The following MCM3 variants were observed in gnomAD, a reference collection of about 807,000 sequenced individuals.
The protein encoded by MCM3 is minichromosome maintenance complex component 3.
A neutral mutation model predicts 91.3 loss-of-function variants in MCM3; 59 were observed. That is an observed-to-expected ratio of 0.65 (90% CI 0.52 to 0.80). The LOEUF is 0.80. MCM3 is among the 30% of genes least tolerant of loss of function. The pLI is 0.00. For missense variants in MCM3, 919 were observed against 1,035.4 expected (o/e 0.89, Z 1.54); for synonymous variants, 383 against 379.6 (o/e 1.01, Z -0.10).
chr6:52,270,876 A>T (rs1345788530), intron 12 of MCM3, among the ~76,000 whole-genome samples: 1 of 152,228 alleles, frequency 6.6e-6, no homozygotes, highest in Non-Finnish European at 1.5e-5. Flanking sequence ...CTTAATAAAT[A>T]TTCTAAAATT....
chr6:52,277,972 G>C (rs553857130), intron 6 of MCM3, among the ~76,000 whole-genome samples: 20 of 149,370 alleles, frequency 1.3e-4, no homozygotes, highest in African/African-American at 5.0e-4. Flanking sequence ...GGAGGCTGAG[G>C]CAGGAGAATC....
At chr6:52,265,073 A>T (rs1181038287) in intron 16 of MCM3, among the ~76,000 whole-genome samples, 1 of 152,182 alleles carries the variant, frequency 6.6e-6, no homozygotes, top group East Asian at 1.9e-4. Flanking sequence ...AACCCTTAAA[A>T]GCGTATATCC....
chr6:52,268,111 T>C, intron 13 of MCM3, 143 bp from the exon 14 acceptor site: 1 of 1,110,868 alleles, frequency 9.0e-7, no homozygotes. Flanking sequence ...TGTCCCTAAG[T>C]CCCAGGACCA....
At chr6:52,269,260 G>A (rs1272219510) in intron 12 of MCM3, 34 bp from the exon 13 acceptor site, 3 of 1,587,824 alleles carry the variant, frequency 1.9e-6, no homozygotes, top group Admixed American at 1.7e-5. Flanking sequence ...CTTATCCCAA[G>A]TCTTTTAGGC....
At chr6:52,267,437 A>G (rs1764732124) in intron 14 of MCM3, among the ~76,000 whole-genome samples, 1 of 151,522 alleles carries the variant, frequency 6.6e-6, no homozygotes, top group South Asian at 2.1e-4. Context: ...AGGTCTAGGA[A>G]CACTCTCCAT....
intron 1 of MCM3, among the ~76,000 whole-genome samples, chr6:52,283,897 T>G (rs1365154580): frequency 6.6e-6 from 1 of 152,180 alleles, no homozygotes; most frequent in East Asian, 1.9e-4. Context: ...AAACAGACTC[T>G]TAATAGTCAC....
At chr6:52,273,133 C>T in intron 11 of MCM3, 97 bp downstream of exon 11, 1 of 1,446,902 alleles carries the variant, frequency 6.9e-7, no homozygotes, top group Non-Finnish European at 9.6e-7. Flanking sequence ...TGGCTTTGAC[C>T]TGGGCATATA....
At chr6:52,268,418 A>G (rs1764816533) in intron 13 of MCM3, among the ~76,000 whole-genome samples, 1 of 151,262 alleles carries the variant, frequency 6.6e-6, no homozygotes, top group Admixed American at 6.6e-5. Context: ...TTAACCTAGC[A>G]AAAAGTGAGG....
In MCM3 at chr6:52,273,308, T is replaced by A. The variant is rs1160808305; in HGVS notation, c.1598A>T (p.Asn533Ile). 3.7e-6 allele frequency: 6 copies of A among 1,614,192 alleles called. No homozygotes were observed. The highest frequency in any genetic ancestry group is 5.1e-6 in the Non-Finnish European group (6 of 1,180,038). Residue 533 changes from asparagine to isoleucine, a missense_variant, in exon 11 of 17, where the codon AAC becomes ATC. Asn to Ile is a moderately radical substitution (Grantham distance 149, BLOSUM62 -3). Coordinates refer to ENST00000596288, the MANE Select transcript of MCM3 (RefSeq NM_002388.6). ...GTCCTGCTGATCTTCCTGGCTAAAG[T>A]TGGGATCATCTGTGGCCAGGATATC... ...AVDILATDDP[N>I]FSQEDQQDTQ... is the part of the protein sequence containing the mutation.
intron 12 of MCM3, among the ~76,000 whole-genome samples, 194 bp downstream of exon 12, chr6:52,272,107 A>G (rs925776336): frequency 6.6e-6 from 1 of 152,202 alleles, no homozygotes; most frequent in Non-Finnish European, 1.5e-5. Context: ...AACTAATAAG[A>G]GACATGTTAT....
Position 52,279,598 on chromosome 6 carries a change from T to A in MCM3, c.533A>T (p.Asp178Val). ...FPSSSVYPTK[D>V]EENNPLETEY... ...TGTCTCAAGGGGATTGTTCTCCTCATCCTAGAAAAAGGCACACAGAGGGAC... is the reference window on the plus strand; with the variant it reads ...TGTCTCAAGGGGATTGTTCTCCTCAACCTAGAAAAAGGCACACAGAGGGAC... The change falls in exon 5 of 17, where the codon GAT becomes GTT. Residue 178 changes from aspartate to valine, a missense_variant and splice_region_variant. Transcript: ENST00000596288. The A allele has an allele frequency of 6.2e-7, 1 of 1,609,164 alleles. No homozygotes were observed.
At chr6:52,283,523 CAGTA>C (rs1766345362) in intron 1 of MCM3, 117 bp from the exon 2 acceptor site, 5 of 737,208 alleles carry the variant, frequency 6.8e-6, no homozygotes, top group East Asian at 5.1e-5. Context: ...GCTGAATCCC[CAGTA>C]AGTATGTGCT....
At chr6:52,283,778 T>C (rs1177560282) in intron 1 of MCM3, among the ~76,000 whole-genome samples, 1 of 152,242 alleles carries the variant, frequency 6.6e-6, no homozygotes, top group Non-Finnish European at 1.5e-5. Flanking sequence ...AATGTGAATG[T>C]TAAAGGTAAC....
Position 52,272,467 on chromosome 6 carries a change from G to C in MCM3, c.1677-16C>G, listed in dbSNP as rs1293086677. 6.2e-7 allele frequency: 1 copy of C among 1,613,750 alleles called. No homozygotes were observed. On this transcript the variant is annotated splice_polypyrimidine_tract_variant and intron_variant, in intron 11 of 16. Coordinates refer to ENST00000596288, the MANE Select transcript of MCM3 (RefSeq NM_002388.6). ...CATCTTCTCCCTGGAGCCACACACA[G>C]TGAATTCCATCTCCCTGCCACACCT...
In MCM3 at chr6:52,278,860, A is replaced by T; in HGVS notation, c.771-10T>A. ...GGCAATCAGGACAGTCCTGGGACAA[A>T]CAGAATAAAGAGGAAACCCGTTATA... On this transcript the variant is annotated splice_polypyrimidine_tract_variant and intron_variant, in intron 5 of 16. Coordinates refer to ENST00000596288, the MANE Select transcript of MCM3 (RefSeq NM_002388.6). The T allele has an allele frequency of 6.3e-7, 1 of 1,588,560 alleles. No individual in the cohort carries two copies. The highest frequency in any genetic ancestry group is 1.1e-5 in the South Asian group (1 of 89,252).
intron 9 of MCM3, chr6:52,276,012 G>A (rs1765523832): frequency 6.8e-6 from 3 of 441,618 alleles, no homozygotes; most frequent in Non-Finnish European, 8.1e-6. Context: ...TTAATGGACG[G>A]TTAAATATGT....
Position 52,270,596 on chromosome 6 carries a change from G to C in MCM3, c.1828-1370C>G, listed in dbSNP as rs571495149. On this transcript the variant is annotated intron_variant, in intron 12 of 16. Transcript: ENST00000596288. The stretch of plus-strand genomic sequence containing the variant: ...TTCTAATTCTTAAACCACCTAAAAA[G>C]CTGGTGAAATCCTGGCCTGCACTAG... Among the ~76,000 whole-genome samples, 6 of 152,232 alleles carry C rather than the reference G, an allele frequency of 3.9e-5. No homozygotes were observed. In the East Asian group the frequency reaches 1.2e-3, roughly 29 times the overall value.
Position 52,273,363 on chromosome 6 carries a change from TACCCAAGTTA to T in MCM3, c.1550-17_1550-8del. ...GCACTACCCAAGGGCATAGCTGGTA[TACCCAAGTTA>T]GGAGAAAGGAGAGTAATAAAGAGTT... On this transcript the variant is annotated splice_polypyrimidine_tract_variant and splice_region_variant and intron_variant, in intron 10 of 16. Coordinates refer to ENST00000596288, the MANE Select transcript of MCM3 (RefSeq NM_002388.6). 6.2e-7 allele frequency: 1 copy of T among 1,614,084 alleles called. No individual in the cohort carries two copies. Among genetic ancestry groups the T allele is most frequent in the East Asian group, 2.2e-5 (1 of 44,886 alleles).
chr6:52,269,144 A>G lies in MCM3; in HGVS notation c.1910T>C (p.Val637Ala), dbSNP rs1023099162. Reference protein sequence around the residue: ...AHAKARMSKTVDLQDAEEAVE... With the variant: ...AHAKARMSKTADLQDAEEAVE... ...AGCTTCCTCTGCATCCTGCAGGTCC[A>G]CAGTCTTGCTCATGCGGGCCTTCGC... Residue 637 changes from valine to alanine, a missense_variant, in exon 13 of 17, where the codon GTG becomes GCG. Val to Ala is a moderately conservative substitution (Grantham distance 64, BLOSUM62 0). Transcript: ENST00000596288. The G allele has an allele frequency of 7.4e-6, 12 of 1,614,116 alleles. No individual in the cohort carries two copies. The highest frequency in any genetic ancestry group is 8.5e-6 in the Non-Finnish European group (10 of 1,179,944).
Sources: allele counts gnomAD v4.1 joint callset (sites outside exome capture counted in the v4.1 genomes callset), GRCh38; gene constraint gnomAD v4.1.1; transcripts MANE v1.5; gene names NCBI Gene and HGNC (gene_info 2026-07-23, HGNC 2026-07-21).